The following GFRAL variants were observed in gnomAD, a reference collection of about 807,000 sequenced individuals.
GFRAL encodes GDNF family receptor alpha like, also known as GDNF family receptor alpha-like.
Under a neutral mutation model 45.4 loss-of-function variants are expected in GFRAL, and 36 were observed. The ratio of observed to expected loss-of-function variants is 0.79; its 90% CI spans 0.61 to 1.05. GFRAL has a LOEUF of 1.05. GFRAL is among the 50% of genes least tolerant of loss of function. The pLI, the probability that GFRAL is intolerant of heterozygous loss-of-function variation, is 0.00. For synonymous variants in GFRAL, 166 were observed against 154.1 expected (o/e 1.08, Z -0.57); for missense variants, 507 against 467.5 (o/e 1.08, Z -0.78).
chr6:55,336,151 C>T (rs1767888546), intron 3 of GFRAL, among the ~76,000 whole-genome samples: 1 of 152,108 alleles, frequency 6.6e-6, no homozygotes, highest in African/African-American at 2.4e-5. Flanking sequence ...GCCATGTTGG[C>T]CAGGCTGGTC....
At chr6:55,360,535 T>C (rs746629260) in intron 6 of GFRAL, among the ~76,000 whole-genome samples, 12 of 152,040 alleles carry the variant, frequency 7.9e-5, no homozygotes, top group Non-Finnish European at 1.8e-4. Flanking sequence ...TTGTATATTA[T>C]GTAATAGGCA....
intron 6 of GFRAL, among the ~76,000 whole-genome samples, chr6:55,371,920 A>G (rs1315884490): frequency 6.6e-6 from 1 of 152,162 alleles, no homozygotes; most frequent in Non-Finnish European, 1.5e-5. Context: ...AATTTTCCAG[A>G]AGAGTTGCCT....
At chr6:55,390,660 C>T (rs1353138177) in intron 6 of GFRAL, among the ~76,000 whole-genome samples, 3 of 151,938 alleles carry the variant, frequency 2.0e-5, no homozygotes, top group South Asian at 2.1e-4. Context: ...GAGACCAAGG[C>T]GGGCGGATCA....
chr6:55,367,765 T>G (rs563176838), intron 6 of GFRAL, among the ~76,000 whole-genome samples: 1 of 152,046 alleles, frequency 6.6e-6, no homozygotes, highest in African/African-American at 2.4e-5. Context: ...TGTTGAATAT[T>G]GGCCCCCACT....
intron 6 of GFRAL, among the ~76,000 whole-genome samples, chr6:55,371,057 T>C (rs939103519): frequency 1.3e-5 from 2 of 152,210 alleles, no homozygotes; most frequent in Admixed American, 1.3e-4. Context: ...TAAAAAGTGA[T>C]ATTGAGCCTT....
intron 6 of GFRAL, among the ~76,000 whole-genome samples, chr6:55,392,776 T>C (rs1768770926): frequency 6.6e-6 from 1 of 152,092 alleles, no homozygotes; most frequent in Admixed American, 6.6e-5. Context: ...TAATGGATAC[T>C]AGGTTTAATA....
intron 6 of GFRAL, among the ~76,000 whole-genome samples, chr6:55,364,559 T>G (rs532666739): frequency 9.9e-4 from 144 of 145,654 alleles, no homozygotes; most frequent in African/African-American, 3.6e-3. Context: ...TTCTAGGGTT[T>G]TTATGGTTTT....
At chr6:55,339,934 T>C (rs1183822395) in intron 3 of GFRAL, among the ~76,000 whole-genome samples, 3 of 152,180 alleles carry the variant, frequency 2.0e-5, no homozygotes, top group African/African-American at 7.2e-5. Flanking sequence ...TTTTCCACAA[T>C]AGAAATTTAT....
chr6:55,374,755 T>TCTTCTAGGATTTTC (rs1768501428), intron 6 of GFRAL, among the ~76,000 whole-genome samples: 1 of 152,134 alleles, frequency 6.6e-6, no homozygotes, highest in South Asian at 2.1e-4. Context: ...TTTCATAGTT[T>TCTTCTAGGATTTTC]TGGGTTTTAC....
intron 6 of GFRAL, among the ~76,000 whole-genome samples, chr6:55,383,178 T>C (rs1363642949): frequency 6.6e-6 from 1 of 151,986 alleles, no homozygotes; most frequent in Non-Finnish European, 1.5e-5. Flanking sequence ...GGGTAGGGCC[T>C]GAGATATGCA....
intron 6 of GFRAL, among the ~76,000 whole-genome samples, chr6:55,372,031 G>C (rs1344867996): frequency 1.3e-5 from 2 of 152,072 alleles, no homozygotes; most frequent in African/African-American, 2.4e-5. Context: ...TTTCCCATAG[G>C]TTATCAACAA....
rs533430411 is a variant in GFRAL at position 55,396,345 on chromosome 6, T to C, written c.953-2835T>C. On this transcript the variant is annotated intron_variant, in intron 6 of 8. Coordinates refer to ENST00000340465, the MANE Select transcript of GFRAL (RefSeq NM_207410.2). ...TTCTAAACTCTGCTAGGTGAGTGTT[T>C]AACAATTAAGGCAGTTACATATCTA... 6.6e-5 allele frequency among the ~76,000 whole-genome samples: 10 copies of C among 152,300 alleles called. No individual in the cohort carries two copies. In the South Asian group the frequency reaches 2.1e-3, roughly 32 times the overall value.
At chr6:55,355,121 A>G (rs1203907112) in intron 5 of GFRAL, among the ~76,000 whole-genome samples, 3 of 152,000 alleles carry the variant, frequency 2.0e-5, no homozygotes, top group African/African-American at 7.2e-5. Flanking sequence ...ATGACATCAT[A>G]TTATATACTT....
intron 6 of GFRAL, among the ~76,000 whole-genome samples, chr6:55,364,996 G>GGT (rs1768339338): frequency 6.7e-6 from 1 of 149,696 alleles, no homozygotes; most frequent in South Asian, 2.1e-4. Flanking sequence ...GTAGCTTGAT[G>GGT]GGGATGGCAT....
At chr6:55,338,977 G>A (rs1310997330) in intron 3 of GFRAL, among the ~76,000 whole-genome samples, 1 of 152,118 alleles carries the variant, frequency 6.6e-6, no homozygotes, top group Non-Finnish European at 1.5e-5. Context: ...AGGATGGAAT[G>A]GGAGGCAAAG....
chr6:55,391,921 T>C (rs1768759400), intron 6 of GFRAL, among the ~76,000 whole-genome samples: 1 of 152,216 alleles, frequency 6.6e-6, no homozygotes, highest in Non-Finnish European at 1.5e-5. Flanking sequence ...ACTTCTCTCT[T>C]CTCGTCTCCA....
In GFRAL at chr6:55,401,758, A is replaced by G. The variant is rs1330008254; in HGVS notation, c.1122-32A>G. ...ACATTTGTGAAATCCTTAAAATGGC[A>G]TGTTGTTAACTTTTACTTTTATTTT... is the stretch of plus-strand genomic sequence containing the variant. On this transcript the variant is annotated intron_variant, in intron 8 of 8. Transcript: ENST00000340465. 1.0e-5 allele frequency: 12 copies of G among 1,201,304 alleles called. 1 individual carries two copies. The South Asian group carries it at 1.4e-4, about 14-fold the overall frequency. 74.4% of individuals were successfully genotyped at this position (1,201,304 alleles called of 1,614,324 possible). A position where few individuals can be genotyped will look rare whatever the true frequency, so the allele number is the denominator to read the frequency against.
At chr6:55,345,214 A>T (rs1222644796) in intron 3 of GFRAL, among the ~76,000 whole-genome samples, 1 of 152,188 alleles carries the variant, frequency 6.6e-6, no homozygotes, top group Non-Finnish European at 1.5e-5. Context: ...ATATGGAACC[A>T]AAAAAGGGCC....
At chr6:55,393,670 G>C (rs1039256834) in intron 6 of GFRAL, among the ~76,000 whole-genome samples, 1 of 152,064 alleles carries the variant, frequency 6.6e-6, no homozygotes. Context: ...AAAGAGGCAA[G>C]GGGGGAGGAA....
Sources: gnomAD v4.1 joint callset for allele counts (sites outside exome capture counted in the v4.1 genomes callset) on GRCh38, gnomAD v4.1.1 for gene constraint, MANE v1.5 for transcripts, NCBI Gene and HGNC (gene_info 2026-07-23, HGNC 2026-07-21) for gene names.